The following USP10 variants were observed in gnomAD, a reference collection of about 807,000 sequenced individuals.
The protein encoded by USP10 is ubiquitin specific peptidase 10.
In USP10, 22 loss-of-function variants were observed where a neutral mutation model predicts 84.5. The observed-to-expected ratio is 0.26, with a 90% CI of 0.19 to 0.37. USP10 has a LOEUF of 0.37. Ranked by LOEUF, USP10 falls within the 10% of genes least tolerant of loss-of-function variation. USP10 has a pLI of 1.00. For missense variants in USP10, 1,019 were observed against 998.9 expected (o/e 1.02, Z -0.27); for synonymous variants, 454 against 387.6 (o/e 1.17, Z -2.01).
chr16:84,778,153 T>A lies in USP10; in HGVS notation c.2210-742T>A, dbSNP rs73245681. 5.9e-3 allele frequency among the ~76,000 whole-genome samples: 838 copies of A among 142,080 alleles called. 8 individuals are homozygous for A. The highest frequency in any genetic ancestry group is 0.02 in the African/African-American group (787 of 38,932). 93.2% of individuals were successfully genotyped at this position (142,080 alleles called of 152,430 possible). A position where few individuals can be genotyped will look rare whatever the true frequency, so the allele number is the denominator to read the frequency against. ...TTAAAACATAGAAAAATGGGTAATT[T>A]TTTTTAAAGGCAAATGCGTAACTAC... is the stretch of plus-strand genomic sequence containing the variant. On this transcript the variant is annotated intron_variant, in intron 13 of 13. Coordinates refer to ENST00000219473, the MANE Select transcript of USP10 (RefSeq NM_005153.3).
At chr16:84,702,849 CGA>C (rs1318699195) in intron 1 of USP10, among the ~76,000 whole-genome samples, 4 of 151,682 alleles carry the variant, frequency 2.6e-5, no homozygotes, top group Non-Finnish European at 5.9e-5. Context: ...AAAAATTAGC[CGA>C]GTGTGGTGAA....
chr16:84,752,355 C>G (rs1912028108), intron 4 of USP10, among the ~76,000 whole-genome samples: 1 of 152,162 alleles, frequency 6.6e-6, no homozygotes, highest in Non-Finnish European at 1.5e-5. Flanking sequence ...GAGCCAACTT[C>G]TATTATATGC....
intron 9 of USP10, 30 bp from the exon 10 acceptor site, chr16:84,764,056 A>G: frequency 6.3e-7 from 1 of 1,581,560 alleles, no homozygotes. Context: ...TGTCGTAAAT[A>G]GTAGTGTAAG....
At chr16:84,700,133 CG>C in intron 1 of USP10, 22 bp downstream of exon 1, 1 of 1,336,052 alleles carries the variant, frequency 7.5e-7, no homozygotes, top group Admixed American at 2.7e-5. Flanking sequence ...TCTGCGCCTT[CG>C]GCCGGAAGGG....
At chr16:84,741,732 C>T (rs766748191) in intron 3 of USP10, among the ~76,000 whole-genome samples, 1 of 152,200 alleles carries the variant, frequency 6.6e-6, no homozygotes, top group Admixed American at 6.5e-5. Flanking sequence ...TAGTGACAGG[C>T]CTGCTTTTCT....
At position 84,705,521 on chromosome 16, in the gene USP10, A is replaced by G. The variant is rs144588002; in HGVS notation, c.21+5410A>G. Among the ~76,000 whole-genome samples the G allele has an allele frequency of 2.0e-3, 298 of 149,682 alleles. 2 individuals carry two copies. The highest frequency in any genetic ancestry group is 6.7e-3 in the African/African-American group (272 of 40,750). On this transcript the variant is annotated intron_variant, in intron 1 of 13. Transcript: ENST00000219473. ...GCTGGGATTATAGGCGTGAGCCACCACACCCAGCCACTCCTGTGCCTTTTG... is the reference window on the plus strand; with the variant it reads ...GCTGGGATTATAGGCGTGAGCCACCGCACCCAGCCACTCCTGTGCCTTTTG...
At chr16:84,754,758 G>A (rs1358067066) in intron 4 of USP10, among the ~76,000 whole-genome samples, 1 of 152,168 alleles carries the variant, frequency 6.6e-6, no homozygotes, top group Non-Finnish European at 1.5e-5. Context: ...TCGGTTTATA[G>A]TTGATTTATG....
intron 1 of USP10, among the ~76,000 whole-genome samples, chr16:84,720,332 A>T (rs1907616994): frequency 6.6e-6 from 1 of 152,192 alleles, no homozygotes; most frequent in Non-Finnish European, 1.5e-5. Flanking sequence ...TGTAGAACAG[A>T]TGGCACTTAC....
At chr16:84,711,073 A>G (rs948029443) in intron 1 of USP10, among the ~76,000 whole-genome samples, 3 of 152,142 alleles carry the variant, frequency 2.0e-5, no homozygotes, top group Non-Finnish European at 4.4e-5. Flanking sequence ...TTGTGAGCAG[A>G]TGAGAAACCT....
At chr16:84,757,865 A>T (rs1912768898) in intron 4 of USP10, among the ~76,000 whole-genome samples, 1 of 152,180 alleles carries the variant, frequency 6.6e-6, no homozygotes, top group East Asian at 1.9e-4. Flanking sequence ...GTACTCCTAG[A>T]TTACTAAGGA....
intron 10 of USP10, 22 bp downstream of exon 10, chr16:84,764,285 C>CT: frequency 6.2e-7 from 1 of 1,613,908 alleles, no homozygotes; most frequent in Non-Finnish European, 8.5e-7. Context: ...TCTGGAATAA[C>CT]TTAATATTTG....
In USP10 at chr16:84,763,058, C is replaced by G. The variant is rs755713358; in HGVS notation, c.1624C>G (p.Leu542Val). ...LNGLHEEMLNLKKLLSPSNEK... is the reference protein window; with the variant it reads ...LNGLHEEMLNVKKLLSPSNEK... ...TGGACTTCATGAGGAAATGTTGAAC[C>G]TAAAGAAGCTTCTCTCACCAAGTAA... The change falls in exon 9 of 14, where the codon CTA (leucine) becomes GTA (valine). Residue 542 changes from leucine to valine, a missense_variant. Physicochemically the swap from Leu to Val is conservative, Grantham distance 32. Coordinates refer to ENST00000219473, the MANE Select transcript of USP10 (RefSeq NM_005153.3). The G allele has an allele frequency of 1.2e-6, 2 of 1,611,470 alleles. No homozygotes were observed. The highest frequency in any genetic ancestry group is 2.7e-5 in the African/African-American group (2 of 74,992).
At chr16:84,724,867 C>T (rs980505547) in intron 1 of USP10, among the ~76,000 whole-genome samples, 2 of 152,170 alleles carry the variant, frequency 1.3e-5, no homozygotes, top group African/African-American at 4.8e-5. Context: ...CTCCAGATGT[C>T]CTCAGAACCA....
rs2150779976 is a variant in USP10 at position 84,721,996 on chromosome 16, C to T, written c.22-11439C>T. On this transcript the variant is annotated intron_variant, in intron 1 of 13. Transcript: ENST00000219473. ...AGGCTGGGAGCCATCACGCCCAGCCCAGTTTGAGTTTTGACAGATGTATAC... is the reference window on the plus strand; with the variant it reads ...AGGCTGGGAGCCATCACGCCCAGCCTAGTTTGAGTTTTGACAGATGTATAC... Among the ~76,000 whole-genome samples, 2 of 152,258 alleles carry T rather than the reference C, an allele frequency of 1.3e-5. 1 individual carries two copies. The highest frequency in any genetic ancestry group is 4.2e-4 in the South Asian group (2 of 4,816).
At chr16:84,703,682 C>T (rs1377921911) in intron 1 of USP10, among the ~76,000 whole-genome samples, 1 of 152,214 alleles carries the variant, frequency 6.6e-6, no homozygotes, top group Non-Finnish European at 1.5e-5. Context: ...GCTATTTAAA[C>T]ATGTCCTAAG....
intron 10 of USP10, among the ~76,000 whole-genome samples, chr16:84,767,345 AAAATG>A (rs1913975182): frequency 1.3e-5 from 2 of 152,318 alleles, no homozygotes; most frequent in Admixed American, 6.5e-5. Context: ...AAGGAAAAAA[AAAATG>A]AAATGAAAAA....
At chr16:84,728,772 C>G (rs1471959257) in intron 1 of USP10, among the ~76,000 whole-genome samples, 1 of 152,066 alleles carries the variant, frequency 6.6e-6, no homozygotes, top group East Asian at 1.9e-4. Context: ...ATAAAGTTGT[C>G]ATATTCTGTT....
intron 1 of USP10, among the ~76,000 whole-genome samples, chr16:84,722,672 C>T (rs1907964503): frequency 6.6e-6 from 1 of 152,026 alleles, no homozygotes; most frequent in African/African-American, 2.4e-5. Flanking sequence ...AGCAGTTCTC[C>T]TGCTAGCCTC....
chr16:84,738,378 C>G (rs1453368759), intron 2 of USP10, among the ~76,000 whole-genome samples: 1 of 152,174 alleles, frequency 6.6e-6, no homozygotes, highest in Non-Finnish European at 1.5e-5. Flanking sequence ...CAGGGGGCAT[C>G]CTAGTGTCAT....
Sources: allele counts gnomAD v4.1 joint callset (sites outside exome capture counted in the v4.1 genomes callset), GRCh38; gene constraint gnomAD v4.1.1; transcripts MANE v1.5; gene names NCBI Gene and HGNC (gene_info 2026-07-23, HGNC 2026-07-21).